HTR3B: variants seen among roughly 807,000 people sequenced by gnomAD.
HTR3B encodes the protein 5-hydroxytryptamine (serotonin) receptor 3B, ionotropic.
HTR3B carries 44 observed loss-of-function variants against 42.8 expected under a neutral mutation model. The ratio of observed to expected loss-of-function variants is 1.03; its 90% CI spans 0.81 to 1.32. The LOEUF (loss-of-function observed/expected upper bound fraction) is 1.32, where lower values mean the gene tolerates loss of function less well. Among genes scored for constraint, HTR3B ranks in the 40% most tolerant of loss-of-function variants. HTR3B has a pLI of 0.00. For missense variants in HTR3B, 527 were observed against 536.5 expected, an observed-to-expected ratio of 0.98 and a Z score of 0.17; for synonymous variants, 203 against 209.0, an observed-to-expected ratio of 0.97 and a Z score of 0.25.
intron 2 of HTR3B, among the ~76,000 whole-genome samples, chr11:113,911,373 G>A (rs969069256): frequency 4.0e-5 from 6 of 151,862 alleles, no homozygotes; most frequent in Admixed American, 6.6e-5. Context: ...TGGGATTACA[G>A]GCATGCGCCA....
chr11:113,923,463 A>G (rs941557851), intron 2 of HTR3B, among the ~76,000 whole-genome samples: 4 of 152,202 alleles, frequency 2.6e-5, no homozygotes, highest in Non-Finnish European at 5.9e-5. Flanking sequence ...AGTTTTGTCA[A>G]TTCCGAATCC....
At position 113,936,855 on chromosome 11, in the gene HTR3B, A is replaced by T. The variant is rs1950095961; in HGVS notation, c.696+3762A>T. ...AAACTGAGTACTGGTGGGGTCTACC[A>T]TCAAGGAGGCAATTACAGGCTAACC... On this transcript the variant is annotated intron_variant, in intron 6 of 8. Coordinates refer to ENST00000260191, the MANE Select transcript of HTR3B (RefSeq NM_006028.5). Among the ~76,000 whole-genome samples the T allele has an allele frequency of 2.0e-5, 3 of 152,204 alleles. No individual in the cohort carries two copies. In the South Asian group the frequency reaches 6.2e-4, roughly 31 times the overall value.
intron 2 of HTR3B, among the ~76,000 whole-genome samples, chr11:113,912,522 C>T (rs557770452): frequency 2.8e-4 from 43 of 152,344 alleles, no homozygotes; most frequent in African/African-American, 1.0e-3. Context: ...GGATTACAGG[C>T]GTGAGCCACC....
chr11:113,909,030 G>A (rs569864028), intron 1 of HTR3B: 1 of 546,434 alleles, frequency 1.8e-6, no homozygotes, highest in Middle Eastern at 4.7e-4. Context: ...GTTGTAAAAT[G>A]GAATTGTAGG....
rs1009294575 is a variant in HTR3B at position 113,946,901 on chromosome 11, C to A, written c.*764C>A. 6.6e-6 allele frequency among the ~76,000 whole-genome samples: 1 copy of A among 152,186 alleles called. No individual in the cohort carries two copies. Among genetic ancestry groups the A allele is most frequent in the African/African-American group, 2.4e-5 (1 of 41,448 alleles). ...ATTATGTTAGGCACACCAGAGAATA[C>A]AAAATAAGTCAGCACAGGTTATTAT... On this transcript the variant is annotated 3_prime_UTR_variant, in exon 9 of 9. Transcript: ENST00000260191.
intron 6 of HTR3B, among the ~76,000 whole-genome samples, chr11:113,936,132 T>A (rs1179373708): frequency 6.6e-6 from 1 of 152,106 alleles, no homozygotes; most frequent in East Asian, 1.9e-4. Flanking sequence ...AATATATTAT[T>A]GGAGGTGCTG....
chr11:113,908,663 T>C (rs1047064069), intron 1 of HTR3B, among the ~76,000 whole-genome samples: 4 of 152,180 alleles, frequency 2.6e-5, no homozygotes, highest in African/African-American at 9.7e-5. Flanking sequence ...TCAGAAGAAA[T>C]GGTTGTTCCC....
chr11:113,927,658 G>A (rs1200578767), intron 2 of HTR3B, among the ~76,000 whole-genome samples: 1 of 151,830 alleles, frequency 6.6e-6, no homozygotes, highest in African/African-American at 2.4e-5. Context: ...TGCCTCCTGG[G>A]TTCAAGCGAT....
chr11:113,944,628 C>T lies in HTR3B; in HGVS notation c.963C>T (p.Ile321=), dbSNP rs561736200. The T allele has an allele frequency of 6.2e-6, 10 of 1,614,160 alleles. No individual in the cohort carries two copies. Among genetic ancestry groups the T allele is most frequent in the South Asian group, 3.3e-5 (3 of 91,078 alleles). The change falls in exon 8 of 9, where the codon ATC becomes ATT. Residue 321 remains isoleucine, a synonymous_variant. Transcript: ENST00000260191. ...AFLVLSLAKS[I]VLVKFLHDEQ... ...TGGTTCTCAGCTTAGCTAAGTCCAT[C>T]GTGTTGGTCAAATTCCTCCATGATG...
At chr11:113,941,676 G>A (rs1008710190) in intron 6 of HTR3B, among the ~76,000 whole-genome samples, 9 of 152,174 alleles carry the variant, frequency 5.9e-5, no homozygotes, top group Non-Finnish European at 1.5e-5. Flanking sequence ...GCAGGCAGGG[G>A]AAGCAGTGGC....
In HTR3B at chr11:113,948,863, C is replaced by CG. The variant is rs375966196; in HGVS notation, c.*2726_*2727insG. Among the ~76,000 whole-genome samples the CG allele has an allele frequency of 6.9e-6, 1 of 145,006 alleles. No individual in the cohort carries two copies. The highest frequency in any genetic ancestry group is 2.6e-5 in the African/African-American group (1 of 39,128). Reference sequence around the variant, plus strand: ...GGGCAACAAGAGCTAAACTCTATCTCAAAAAAAAAAAAAAGTTTAAAGTGC... The same window carrying CG: ...GGGCAACAAGAGCTAAACTCTATCTCGAAAAAAAAAAAAAAGTTTAAAGTGC... On this transcript the variant is annotated 3_prime_UTR_variant, in exon 9 of 9. Transcript: ENST00000260191.
chr11:113,926,591 C>G (rs755073865), intron 2 of HTR3B, among the ~76,000 whole-genome samples: 1 of 150,156 alleles, frequency 6.7e-6, no homozygotes, highest in Non-Finnish European at 1.5e-5. Flanking sequence ...TGCAGTGGCA[C>G]GATCTTGGCT....
In HTR3B at chr11:113,931,843, C is replaced by T. The variant is rs1950037731; in HGVS notation, c.344C>T (p.Ala115Val). 4.4e-6 allele frequency: 7 copies of T among 1,593,804 alleles called. No individual in the cohort carries two copies. Among genetic ancestry groups the T allele is most frequent in the African/African-American group, 4.0e-5 (3 of 74,500 alleles). ...EISLPLSAIW[A>V]PDIIINEFVD... ...TCCCTACCTCTAAGTGCCATCTGGG[C>T]CCCCGATATCATCATCAATGAGTTG... Residue 115 changes from alanine to valine, a missense_variant, in exon 4 of 9, where the codon GCC becomes GTC. Ala to Val is a moderately conservative substitution (Grantham distance 64). Transcript: ENST00000260191.
At chr11:113,943,803 A>G (rs1435929462) in intron 7 of HTR3B, among the ~76,000 whole-genome samples, 1 of 151,442 alleles carries the variant, frequency 6.6e-6, no homozygotes, top group Admixed American at 6.6e-5. Flanking sequence ...ACAGAGCAAG[A>G]ACGGAAGGGA....
rs79816668 is a variant in HTR3B, at chr11:113,947,741, T to C, written c.*1604T>C. On this transcript the variant is annotated 3_prime_UTR_variant, in exon 9 of 9. Transcript: ENST00000260191. ...GTTCAAACAGTCATATTCTGAGTAC[T>C]AGGGGTTAGGATGTCAACATATGAA... Among the ~76,000 whole-genome samples the C allele has an allele frequency of 0.047, 7,092 of 152,224 alleles. 506 individuals carry two copies. Among genetic ancestry groups the C allele is most frequent in the East Asian group, 0.29 (1,500 of 5,162 alleles).
chr11:113,926,755 C>A (rs975833685), intron 2 of HTR3B, among the ~76,000 whole-genome samples: 1 of 152,114 alleles, frequency 6.6e-6, no homozygotes, highest in African/African-American at 2.4e-5. Flanking sequence ...TCTCAAACTG[C>A]TGACCTCAGG....
chr11:113,906,551 C>G (rs1485313903), intron 1 of HTR3B, among the ~76,000 whole-genome samples: 1 of 152,144 alleles, frequency 6.6e-6, no homozygotes, highest in African/African-American at 2.4e-5. Flanking sequence ...ATACCACTGG[C>G]TATTTCTGTC....
At chr11:113,908,961 A>C in intron 1 of HTR3B, 1 of 375,434 alleles carries the variant, frequency 2.7e-6, no homozygotes, top group Non-Finnish European at 4.7e-6. Flanking sequence ...TTTTTTCTAG[A>C]TGCTAGGAGA....
rs917378493 is a variant in HTR3B at position 113,918,466 on chromosome 11, T to C, written c.213+9011T>C. 2.6e-5 allele frequency among the ~76,000 whole-genome samples: 4 copies of C among 152,218 alleles called. No homozygotes were observed. In the South Asian group the frequency reaches 6.2e-4, roughly 24 times the overall value. ...CAACCACTAATCTTTTCTCCATCTT[T>C]AGGCTATTTCAAGAATATTATATAA... On this transcript the variant is annotated intron_variant, in intron 2 of 8. Transcript: ENST00000260191.
Sources: allele counts gnomAD v4.1 joint callset (sites outside exome capture counted in the v4.1 genomes callset), GRCh38; gene constraint gnomAD v4.1.1; transcripts MANE v1.5; gene names NCBI Gene and HGNC (gene_info 2026-07-23, HGNC 2026-07-21).